Variants in MCMBP observed in about 807,000 individuals in gnomAD.
MCMBP encodes mini-chromosome maintenance complex-binding protein.
A neutral mutation model predicts 81.3 loss-of-function variants in MCMBP; 31 were observed. That is an observed-to-expected ratio of 0.38 (90% CI 0.29 to 0.51). The LOEUF (loss-of-function observed/expected upper bound fraction) is 0.51, where lower values mean the gene tolerates loss of function less well. Ranked by LOEUF, MCMBP falls within the 20% of genes least tolerant of loss-of-function variation. The probability of loss-of-function intolerance (pLI) is 0.87; values close to 1 mark genes in which losing one functional copy is unlikely to be tolerated. For missense variants in MCMBP, 645 were observed against 772.1 expected (o/e 0.84, Z 1.95); for synonymous variants, 267 against 275.9 (o/e 0.97, Z 0.32).
intron 1 of MCMBP, among the ~76,000 whole-genome samples, chr10:119,869,744 A>C (rs899935525): frequency 2.6e-5 from 4 of 152,182 alleles, no homozygotes; most frequent in African/African-American, 9.7e-5. Flanking sequence ...AAACAAAAAA[A>C]GCAAAAACAA....
At chr10:119,841,059 A>G in intron 10 of MCMBP, 99 bp from the exon 11 acceptor site, 1 of 749,320 alleles carries the variant, frequency 1.3e-6, no homozygotes, top group Admixed American at 2.3e-5. Context: ...TTGTCATTAA[A>G]AATAAACCAG....
chr10:119,860,298 T>G (rs1853206994), intron 1 of MCMBP, among the ~76,000 whole-genome samples: 1 of 152,226 alleles, frequency 6.6e-6, no homozygotes, highest in Non-Finnish European at 1.5e-5. Flanking sequence ...ATAAAGAGCC[T>G]AAGTTTTTTT....
intron 15 of MCMBP, 43 bp from the exon 16 acceptor site, chr10:119,831,643 T>A: frequency 6.3e-7 from 1 of 1,595,282 alleles, no homozygotes; most frequent in Admixed American, 1.8e-5. Context: ...AGAGCTGGGA[T>A]AGTAAGTTTT....
chr10:119,859,293 CA>C, intron 2 of MCMBP, 112 bp from the exon 3 acceptor site: 1 of 847,358 alleles, frequency 1.2e-6, no homozygotes, highest in Admixed American at 2.8e-5. Context: ...CACACACACA[CA>C]CACACACACA....
intron 2 of MCMBP, 130 bp from the exon 3 acceptor site, chr10:119,859,311 C>A: frequency 1.4e-6 from 1 of 731,538 alleles, no homozygotes; most frequent in Non-Finnish European, 2.1e-6. Context: ...CACACCCATG[C>A]CACATCAGAG....
At position 119,842,607 on chromosome 10, in the gene MCMBP, AG is replaced by A. The variant is rs1248621115; in HGVS notation, c.1001-13del. On this transcript the variant is annotated splice_polypyrimidine_tract_variant and intron_variant, in intron 9 of 15. Transcript: ENST00000369077. ...GAAACTTGAAACAACTGAAGGAGAA[AG>A]GAAGACCTGAGTCAGGACACACACT... 2.5e-6 allele frequency: 4 copies of A among 1,611,214 alleles called. No individual in the cohort carries two copies. Among genetic ancestry groups the A allele is most frequent in the Admixed American group, 1.7e-5 (1 of 59,626 alleles).
intron 15 of MCMBP, 24 bp from the exon 16 acceptor site, chr10:119,831,624 T>C: frequency 6.2e-7 from 1 of 1,607,078 alleles, no homozygotes; most frequent in Non-Finnish European, 8.5e-7. Flanking sequence ...CAGAAACAAA[T>C]TTAAGTCTAG....
In MCMBP at chr10:119,858,795, G is replaced by A. The variant is rs1853141336; in HGVS notation, c.327+89C>T. 3 of 983,906 alleles carry A rather than the reference G, an allele frequency of 3.0e-6. No homozygotes were observed. In the South Asian group the frequency reaches 4.8e-5, roughly 16 times the overall value. The allele number at this position is 983,906 out of a possible 1,614,324, so 60.9% of individuals were successfully genotyped here. A position where few individuals can be genotyped will look rare whatever the true frequency, so the allele number is the denominator to read the frequency against. The stretch of plus-strand genomic sequence containing the variant: ...ATGATTTCTTGTAACTTATACACAA[G>A]ATAAATAAATTTAAGATTAGCTAAA... On this transcript the variant is annotated intron_variant, in intron 4 of 15. Coordinates refer to ENST00000369077, the MANE Select transcript of MCMBP (RefSeq NM_001256378.2).
In MCMBP at chr10:119,836,908, C is replaced by T. The variant is rs200436675; in HGVS notation, c.1530G>A (p.Arg510=). The part of the protein sequence containing the change: ...NINVFITSEG[R]SLLPADCQIH... ...TGACTCATCATACCGGGAGGAGTGA[C>T]CTCCCCTCCGAAGTAATGAAAACGT... The change falls in exon 13 of 16, where the codon AGG becomes AGA. Residue 510 remains arginine (R), a synonymous_variant. Coordinates refer to ENST00000369077, the MANE Select transcript of MCMBP (RefSeq NM_001256378.2). 1.7e-5 allele frequency: 28 copies of T among 1,610,592 alleles called. No homozygotes were observed. The highest frequency in any genetic ancestry group is 2.3e-5 in the Non-Finnish European group (27 of 1,178,254).
In MCMBP at chr10:119,846,881, CTACTGGA is replaced by C. The variant is rs541391532; in HGVS notation, c.827+725_827+731del. On this transcript the variant is annotated intron_variant, in intron 8 of 15. Coordinates refer to ENST00000369077, the MANE Select transcript of MCMBP (RefSeq NM_001256378.2). ...ATTTTGGACTTCCCAGCCTCCAGAA[CTACTGGA>C]AGACATATATTTCTGTTGTTTAAGG... is the stretch of plus-strand genomic sequence containing the variant. Among the ~76,000 whole-genome samples the C allele has an allele frequency of 2.8e-4, 42 of 151,128 alleles. No individual in the cohort carries two copies. The East Asian group carries it at 7.4e-3, about 27-fold the overall frequency.
chr10:119,859,764 C>T (rs755016574), intron 2 of MCMBP, 35 bp downstream of exon 2: 19 of 1,477,312 alleles, frequency 1.3e-5, no homozygotes, highest in Non-Finnish European at 1.7e-5. Context: ...TATAGTCTGT[C>T]CAACCCTCTC....
chr10:119,870,652 T>TA (rs1458571918), intron 1 of MCMBP, among the ~76,000 whole-genome samples: 4 of 152,206 alleles, frequency 2.6e-5, no homozygotes, highest in African/African-American at 9.7e-5. Context: ...GCATATGCAT[T>TA]ACCTATCTGG....
chr10:119,837,914 G>A (rs1852302179), intron 12 of MCMBP, among the ~76,000 whole-genome samples: 3 of 152,216 alleles, frequency 2.0e-5, no homozygotes, highest in Middle Eastern at 6.8e-3. Flanking sequence ...GCTCACACCT[G>A]TAATCCCAGC....
chr10:119,835,885 C>A (rs1408431054), intron 13 of MCMBP, among the ~76,000 whole-genome samples, 181 bp from the exon 14 acceptor site: 1 of 152,156 alleles, frequency 6.6e-6, no homozygotes, highest in African/African-American at 2.4e-5. Flanking sequence ...GTCACCCAGG[C>A]TGGAGTGCAG....
chr10:119,832,481 T>C (rs1285175509), intron 14 of MCMBP, among the ~76,000 whole-genome samples: 2 of 152,184 alleles, frequency 1.3e-5, no homozygotes, highest in South Asian at 2.1e-4. Flanking sequence ...AGAGCATTTA[T>C]GCAAGAAAAC....
At chr10:119,866,351 C>T (rs929721488) in intron 1 of MCMBP, among the ~76,000 whole-genome samples, 1 of 151,646 alleles carries the variant, frequency 6.6e-6, no homozygotes, top group Non-Finnish European at 1.5e-5. Context: ...GGTGGCCGGG[C>T]GTGGTGGCTC....
chr10:119,866,542 C>T (rs912108637), intron 1 of MCMBP, among the ~76,000 whole-genome samples: 2 of 152,128 alleles, frequency 1.3e-5, no homozygotes, highest in African/African-American at 2.4e-5. Flanking sequence ...AAGAGAATCG[C>T]TTGAACCCGG....
chr10:119,832,616 G>A (rs984323042), intron 14 of MCMBP, among the ~76,000 whole-genome samples: 1 of 152,032 alleles, frequency 6.6e-6, no homozygotes, highest in Non-Finnish European at 1.5e-5. Flanking sequence ...GGCAGCCACC[G>A]GAGAGAGAAC....
At chr10:119,840,791 TG>T in intron 11 of MCMBP, 51 bp downstream of exon 11, 2 of 1,039,664 alleles carry the variant, frequency 1.9e-6, no homozygotes, top group Non-Finnish European at 2.8e-6. Context: ...GACAGTTAGA[TG>T]GATTTTTTAA....
Sources: gnomAD v4.1 joint callset for allele counts (sites outside exome capture counted in the v4.1 genomes callset) on GRCh38, gnomAD v4.1.1 for gene constraint, MANE v1.5 for transcripts, NCBI Gene and HGNC (gene_info 2026-07-23, HGNC 2026-07-21) for gene names.